Variants in TOP1MT observed in about 807,000 individuals in gnomAD.
TOP1MT encodes DNA topoisomerase I mitochondrial.
A neutral mutation model predicts 73.9 loss-of-function variants in TOP1MT; 80 were observed. The ratio of observed to expected loss-of-function variants is 1.08; its 90% CI spans 0.90 to 1.30. The LOEUF is 1.30. Ranked by LOEUF, TOP1MT falls within the 50% of genes most tolerant of loss-of-function variation. TOP1MT has a pLI of 0.00. For synonymous variants in TOP1MT, 338 were observed against 326.4 expected (o/e 1.04, Z -0.38); for missense variants, 815 against 808.0 (o/e 1.01, Z -0.10).
chr8:143,345,444 C>T (rs537199622), upstream of TOP1MT, among the ~76,000 whole-genome samples: 3 of 152,340 alleles, frequency 2.0e-5, no homozygotes, highest in South Asian at 2.1e-4. Context: ...GTTGCAAACT[C>T]GACACAGACA....
At chr8:143,323,238 G>A (rs1449093094) in intron 7 of TOP1MT, among the ~76,000 whole-genome samples, 8 of 82,688 alleles carry the variant, frequency 9.7e-5, no homozygotes, top group East Asian at 4.1e-4. Context: ...ACACAGGCAC[G>A]CCACACACAC....
At chr8:143,332,412 G>A (rs1816882203) in intron 1 of TOP1MT, 2 of 1,118,774 alleles carry the variant, frequency 1.8e-6, no homozygotes, top group African/African-American at 3.2e-5. Context: ...TCAGGATGGG[G>A]GAGAGTGAGA....
At chr8:143,339,134 G>A (rs548977042), upstream of TOP1MT, among the ~76,000 whole-genome samples, 193 of 152,258 alleles carry the variant, frequency 1.3e-3, no homozygotes, top group African/African-American at 4.1e-3. Context: ...AGGCGGCGCC[G>A]CCCAGCAGAC....
At position 143,309,467 on chromosome 8, in the gene TOP1MT, T is replaced by C; in HGVS notation, c.1780A>G (p.Met594Val). The C allele has an allele frequency of 6.2e-7, 1 of 1,613,992 alleles. No individual in the cohort carries two copies. Among genetic ancestry groups the C allele is most frequent in the Non-Finnish European group, 8.5e-7 (1 of 1,180,026 alleles). The stretch of plus-strand genomic sequence containing the variant: ...TAGAATTCAAAGTCTTCTCCTGCCA[T>C]GGCGAGAGCCCAGGCGAACCTCTCC... ...QRERFAWALA[M>V]AGEDFEF The change falls in exon 14 of 14, where the codon ATG becomes GTG. Residue 594 changes from methionine to valine, a missense_variant. Transcript: ENST00000329245.
At chr8:143,347,688 G>GCAGGCAGCCAGC (rs892109676), upstream of TOP1MT, among the ~76,000 whole-genome samples, 167 of 150,078 alleles carry the variant, frequency 1.1e-3, no homozygotes, top group African/African-American at 3.9e-3. Context: ...CAGCAGGCAG[G>GCAGGCAGCCAGC]CAGCCAGCCA....
upstream of TOP1MT, among the ~76,000 whole-genome samples, chr8:143,336,371 C>T (rs1022227059): frequency 1.3e-5 from 2 of 152,078 alleles, no homozygotes; most frequent in African/African-American, 4.8e-5. Flanking sequence ...AAGCAGCAGA[C>T]AAATCCAGCA....
intron 3 of TOP1MT, among the ~76,000 whole-genome samples, chr8:143,326,972 A>T (rs906540104): frequency 3.9e-5 from 6 of 152,138 alleles, no homozygotes; most frequent in African/African-American, 1.4e-4. Context: ...GTCCTCACAC[A>T]GTGGAGGGGA....
In TOP1MT at chr8:143,344,817, C is replaced by G. The variant is rs981835774; in HGVS notation, c.-39+99G>C. 1 of 152,404 alleles carries G rather than the reference C, an allele frequency of 6.6e-6. No homozygotes were observed. The highest frequency in any genetic ancestry group is 1.5e-5 in the Non-Finnish European group (1 of 68,228). 9.4% of individuals were successfully genotyped at this position (152,404 alleles called of 1,614,324 possible). On this transcript the variant is annotated intron_variant, in intron 1 of 5. Transcript: ENST00000518007. This position sits in a 1 kb window ranked among gnomAD's most constrained non-coding sequence, Gnocchi z 4.6. ...ATTAACTGGCAAGGACACCAAACAGCGGAGGAGGAGGGACCTCAGCTGAGC... is the reference window on the plus strand; with the variant it reads ...ATTAACTGGCAAGGACACCAAACAGGGGAGGAGGAGGGACCTCAGCTGAGC...
upstream of TOP1MT, among the ~76,000 whole-genome samples, chr8:143,356,785 CAAAAAAA>C (rs1161995816): frequency 0.02 from 516 of 25,920 alleles, 8 homozygotes; most frequent in African/African-American, 0.1. Flanking sequence ...GACTCTGTCT[CAAAAAAA>C]AAAAAAAAAA....
At position 143,321,646 on chromosome 8, in the gene TOP1MT, CACAG is replaced by C. The variant is rs1247589258; in HGVS notation, c.961-264_961-261del. On this transcript the variant is annotated intron_variant, in intron 7 of 13. Transcript: ENST00000329245. ...GCACGCCACACACAGGCACGCCACA[CACAG>C]GCACGCCACACACACGCACGCCACA... is the stretch of plus-strand genomic sequence containing the variant. Among the ~76,000 whole-genome samples the C allele has an allele frequency of 2.2e-3, 158 of 72,868 alleles. 2 individuals carry two copies. The highest frequency in any genetic ancestry group is 5.1e-3 in the East Asian group (7 of 1,372). The allele number at this position is 72,868 out of a possible 152,430, so 47.8% of individuals were successfully genotyped here.
chr8:143,349,786 ACTCACCAC>A (rs1817290811), upstream of TOP1MT, among the ~76,000 whole-genome samples: 1 of 151,926 alleles, frequency 6.6e-6, no homozygotes, highest in Non-Finnish European at 1.5e-5. Flanking sequence ...AACTACAGGC[ACTCACCAC>A]CACGCCCAGA....
rs1293473188 is a variant in TOP1MT at position 143,321,252 on chromosome 8, G to T, written c.1095C>A (p.Phe365Leu). Reference protein sequence around the residue: ...DGCQHVVEFDFLGKDCIRYYN... With the variant: ...DGCQHVVEFDLLGKDCIRYYN... Reference sequence around the variant, plus strand: ...AGTAGCGGATGCAGTCCTTCCCCAGGAAGTCAAATTCCACCACGTGTTGGC... The same window carrying T: ...AGTAGCGGATGCAGTCCTTCCCCAGTAAGTCAAATTCCACCACGTGTTGGC... Residue 365 changes from phenylalanine (F) to leucine (L), a missense_variant, in exon 8 of 14, where the codon TTC becomes TTA. Physicochemically the swap from Phe to Leu is conservative, Grantham distance 22 (BLOSUM62 0). Around this residue, in one of 3 missense-constraint regions of TOP1MT, gnomAD observed 751 missense variants for 725.4 expected, o/e 1.04. Transcript: ENST00000329245. 6.2e-7 allele frequency: 1 copy of T among 1,612,394 alleles called. No homozygotes were observed. The highest frequency in any genetic ancestry group is 8.5e-7 in the Non-Finnish European group (1 of 1,179,100).
At chr8:143,332,223 G>C (rs1816876860) in intron 1 of TOP1MT, among the ~76,000 whole-genome samples, 1 of 152,212 alleles carries the variant, frequency 6.6e-6, no homozygotes, top group African/African-American at 2.4e-5. Flanking sequence ...CCATACGAAG[G>C]GCTCAACTGA....
At position 143,331,359 on chromosome 8, in the gene TOP1MT, G is replaced by T; in HGVS notation, c.123-20C>A. ...TCCCACCTAAAGACGGAGACAGGAC[G>T]TGTCACTCTCCTGGGCCAGGCCCTG... On this transcript the variant is annotated intron_variant, in intron 1 of 13. Coordinates refer to ENST00000329245, the MANE Select transcript of TOP1MT (RefSeq NM_052963.3). 1 of 1,598,114 alleles carries T rather than the reference G, an allele frequency of 6.3e-7. No individual in the cohort carries two copies. Among genetic ancestry groups the T allele is most frequent in the Non-Finnish European group, 8.6e-7 (1 of 1,167,694 alleles).
At chr8:143,318,608 C>T (rs765761174) in intron 8 of TOP1MT, among the ~76,000 whole-genome samples, 17 of 152,318 alleles carry the variant, frequency 1.1e-4, no homozygotes, top group Non-Finnish European at 1.9e-4. Flanking sequence ...ACCTGCTGGT[C>T]CTCCTACAAG....
intron 12 of TOP1MT, among the ~76,000 whole-genome samples, chr8:143,313,518 C>G (rs1261931189): frequency 2.1e-5 from 3 of 140,722 alleles, no homozygotes; most frequent in African/African-American, 8.0e-5. Flanking sequence ...CCACTGCACT[C>G]TAGCCTGGGT....
chr8:143,315,413 A>T (rs1339876900), intron 12 of TOP1MT, among the ~76,000 whole-genome samples: 1 of 152,150 alleles, frequency 6.6e-6, no homozygotes, highest in Non-Finnish European at 1.5e-5. Flanking sequence ...TCCAGTGGAC[A>T]TGTGACCCAC....
intron 4 of TOP1MT, among the ~76,000 whole-genome samples, 189 bp from the exon 5 acceptor site, chr8:143,325,722 GCCATGGCCTAACCACC>G (rs907314940): frequency 3.9e-5 from 6 of 152,198 alleles, no homozygotes; most frequent in Non-Finnish European, 7.3e-5. Context: ...GGCACCGAGA[GCCATGGCCTAACCACC>G]CCATGGCCTG....
At chr8:143,347,373 T>A (rs1817243033), upstream of TOP1MT, among the ~76,000 whole-genome samples, 1 of 152,166 alleles carries the variant, frequency 6.6e-6, no homozygotes, top group Non-Finnish European at 1.5e-5. Context: ...GCCAGGATGG[T>A]CTTGATCTCC....
Sources: allele counts gnomAD v4.1 joint callset (sites outside exome capture counted in the v4.1 genomes callset), GRCh38; gene constraint gnomAD v4.1.1; regional missense constraint gnomAD v4.1.1; non-coding constraint Gnocchi (gnomAD v3.1); transcripts MANE v1.5; gene names NCBI Gene and HGNC (gene_info 2026-07-23, HGNC 2026-07-21).